The following TKFC variants were observed in gnomAD, a reference collection of about 807,000 sequenced individuals.
TKFC encodes triokinase/FMN cyclase.
Under a neutral mutation model 61.0 loss-of-function variants are expected in TKFC, and 46 were observed. The ratio of observed to expected loss-of-function variants is 0.75; its 90% CI spans 0.60 to 0.96. The LOEUF is 0.96. TKFC is among the 50% of genes least tolerant of loss of function. TKFC has a pLI of 0.00. For missense variants in TKFC, 715 were observed against 777.5 expected, an observed-to-expected ratio of 0.92 and a Z score of 0.96; for synonymous variants, 314 against 330.1, an observed-to-expected ratio of 0.95 and a Z score of 0.53.
At chr11:61,333,927 A>C (rs1262352901) in intron 1 of TKFC, 1 of 152,278 alleles carries the variant, frequency 6.6e-6, no homozygotes, top group African/African-American at 2.4e-5. Context: ...CCCTCCCCAC[A>C]ACCCCAAGTA....
At chr11:61,350,288 T>G, downstream of TKFC, 2 of 1,397,774 alleles carry the variant, frequency 1.4e-6, no homozygotes, top group Non-Finnish European at 2.0e-6. Context: ...GGGCCCAGCA[T>G]TGGAAGAAAG....
At position 61,346,389 on chromosome 11, in the gene TKFC, A is replaced by G; in HGVS notation, c.1614A>G (p.Glu538=). The G allele has an allele frequency of 1.2e-6, 2 of 1,612,724 alleles. No homozygotes were observed. The highest frequency in any genetic ancestry group is 1.7e-6 in the Non-Finnish European group (2 of 1,179,954). The stretch of plus-strand genomic sequence containing the variant: ...CAGCCGAGGCCACCAAGAATATGGA[A>G]GCTGGAGCCGGAAGAGCCAGTTATA... ...EAAAEATKNM[E]AGAGRASYIS... The change falls in exon 18 of 18, where the codon GAA becomes GAG. Residue 538 remains glutamate (E), a synonymous_variant. Transcript: ENST00000394900. The surrounding 1 kb of genome is among the most constrained non-coding windows in gnomAD (Gnocchi z 4.1).
intron 5 of TKFC, among the ~76,000 whole-genome samples, chr11:61,340,884 C>G (rs1856823261): frequency 6.6e-6 from 1 of 152,314 alleles, no homozygotes; most frequent in South Asian, 2.1e-4. Flanking sequence ...GGTTGGCAGC[C>G]AGTCCTAGTG....
At chr11:61,344,299 G>A in intron 13 of TKFC, 26 bp downstream of exon 13, 2 of 1,603,266 alleles carry the variant, frequency 1.2e-6, no homozygotes, top group Non-Finnish European at 1.7e-6. Flanking sequence ...TTTGCCAAGT[G>A]AGGTCATTCA....
chr11:61,353,137 C>T, downstream of TKFC: 2 of 1,602,492 alleles, frequency 1.2e-6, no homozygotes, highest in Non-Finnish European at 1.7e-6. Flanking sequence ...AGCCCAGGAA[C>T]CACTGTGGAC....
At chr11:61,349,596 G>A (rs548393372), downstream of TKFC, 14 of 702,886 alleles carry the variant, frequency 2.0e-5, no homozygotes, top group East Asian at 2.7e-5. Context: ...TGACAGACAC[G>A]TAAGTCACAG....
In TKFC at chr11:61,338,286, G is replaced by T. The variant is rs1856701455; in HGVS notation, c.193+156G>T. ...CCACTCCCTCCGGCTGGGATCAGGG[G>T]CCCATCACGGCCTCTCTGAATCTGT... On this transcript the variant is annotated intron_variant, in intron 3 of 17. Coordinates refer to ENST00000394900, the MANE Select transcript of TKFC (RefSeq NM_015533.4). Among the ~76,000 whole-genome samples, 3 of 152,176 alleles carry T rather than the reference G, an allele frequency of 2.0e-5. No individual in the cohort carries two copies. The South Asian group carries it at 6.2e-4, about 32-fold the overall frequency.
chr11:61,335,627 C>T (rs1340081242), intron 2 of TKFC, among the ~76,000 whole-genome samples: 1 of 152,172 alleles, frequency 6.6e-6, no homozygotes, highest in Non-Finnish European at 1.5e-5. Flanking sequence ...TCCAGCCCCT[C>T]GAGAAAGCAG....
chr11:61,342,927 T>A, intron 10 of TKFC, 83 bp downstream of exon 10: 1 of 1,377,570 alleles, frequency 7.3e-7, no homozygotes, highest in South Asian at 1.2e-5. Flanking sequence ...GAACACGGAC[T>A]GTGCGTCAGA....
At position 61,346,944 on chromosome 11, in the gene TKFC, C is replaced by T; in HGVS notation, c.*441C>T. 2 of 987,580 alleles carry T rather than the reference C, an allele frequency of 2.0e-6. No homozygotes were observed. The highest frequency in any genetic ancestry group is 2.4e-6 in the Non-Finnish European group (2 of 831,356). The allele number at this position is 987,580 out of a possible 1,614,324, so 61.2% of individuals were successfully genotyped here. ...GAAAGACACTGCCTCCTCTGAGGGA[C>T]CTTTTCCCAAGCATGTAAACAAGGG... On this transcript the variant is annotated 3_prime_UTR_variant, in exon 18 of 18. Transcript: ENST00000394900. This position sits in a 1 kb window ranked among gnomAD's most constrained non-coding sequence, Gnocchi z 4.1.
intron 15 of TKFC, 70 bp downstream of exon 15, chr11:61,345,635 C>A: frequency 8.7e-6 from 14 of 1,612,906 alleles, no homozygotes; most frequent in Non-Finnish European, 1.2e-5. Flanking sequence ...CTGCGCCCTG[C>A]CAGGCCCTAG....
chr11:61,351,284 CTT>C (rs909648792), downstream of TKFC: 17,458 of 288,400 alleles, frequency 0.061, no homozygotes, highest in South Asian at 0.091. Flanking sequence ...AACACCCTTT[CTT>C]TTTTTTTTTT....
At position 61,345,747 on chromosome 11, in the gene TKFC, T is replaced by C. The variant is rs1009172763; in HGVS notation, c.1485+2T>C. 4 of 1,614,092 alleles carry C rather than the reference T, an allele frequency of 2.5e-6. No homozygotes were observed. Among genetic ancestry groups the C allele is most frequent in the Non-Finnish European group, 3.4e-6 (4 of 1,180,042 alleles). On this transcript the variant is annotated splice_donor_variant, in intron 16 of 17. Coordinates refer to ENST00000394900, the MANE Select transcript of TKFC (RefSeq NM_015533.4). LOFTEE classifies it high-confidence loss of function. ...GCTGCTCCAGGGGACAGGACTATGG[T>C]ATGTACTCAGGCTGTGGCCTCAGAC...
Position 61,334,611 on chromosome 11 carries a change from C to A in TKFC, c.-109-9C>A. The A allele has an allele frequency of 7.3e-7, 1 of 1,367,392 alleles. No individual in the cohort carries two copies. The highest frequency in any genetic ancestry group is 1.0e-6 in the Non-Finnish European group (1 of 967,868). 84.7% of individuals were successfully genotyped at this position (1,367,392 alleles called of 1,614,324 possible). A position where few individuals can be genotyped will look rare whatever the true frequency, so the allele number is the denominator to read the frequency against. ...CTTCCGCAGCTTGTATCGTTACCCA[C>A]TCCTGCAGGTGCTGCTGCTGCCTCC... On this transcript the variant is annotated splice_polypyrimidine_tract_variant and intron_variant, in intron 1 of 17. Transcript: ENST00000394900.
In TKFC at chr11:61,346,278, C is replaced by G; in HGVS notation, c.1576-73C>G. The G allele has an allele frequency of 6.2e-7, 1 of 1,603,638 alleles. No homozygotes were observed. The highest frequency in any genetic ancestry group is 8.5e-7 in the Non-Finnish European group (1 of 1,179,060). On this transcript the variant is annotated intron_variant, in intron 17 of 17. Coordinates refer to ENST00000394900, the MANE Select transcript of TKFC (RefSeq NM_015533.4). This position sits in a 1 kb window ranked among gnomAD's most constrained non-coding sequence, Gnocchi z 4.1. ...GCAGGGCCAGGCTGCACGGCAGAGA[C>G]GTTCTGCCCATGGCAGGAAGGAGGC...
At chr11:61,342,024 AT>A in intron 7 of TKFC, 112 bp downstream of exon 7, 2 of 1,063,150 alleles carry the variant, frequency 1.9e-6, no homozygotes, top group Non-Finnish European at 2.7e-6. Flanking sequence ...TGGTCTTAGT[AT>A]TTTTACCTGG....
downstream of TKFC, chr11:61,350,369 A>C (rs1857338286): frequency 1.2e-6 from 2 of 1,605,398 alleles, no homozygotes; most frequent in Admixed American, 3.4e-5. Flanking sequence ...CTGCACCACC[A>C]GGAGCTCTTG....
In TKFC at chr11:61,339,315, G is replaced by A. The variant is rs1172452006; in HGVS notation, c.366G>A (p.Arg122=). The A allele has an allele frequency of 1.9e-6, 3 of 1,613,954 alleles. No homozygotes were observed. In the South Asian group the frequency reaches 3.3e-5, roughly 18 times the overall value. Residue 122 remains arginine (R), a synonymous_variant, in exon 5 of 18, where the codon CGG becomes CGA. Transcript: ENST00000394900. ...ATCGGCTCAACTTCGGCCTGGCCCG[G>A]GAGCAGGCCCGGGCTGAAGGCATCC... ...TGDRLNFGLA[R]EQARAEGIPV... is the part of the protein sequence containing the mutation.
intron 2 of TKFC, 21 bp downstream of exon 2, chr11:61,334,752 A>C (rs1590711457): frequency 6.2e-7 from 1 of 1,614,050 alleles, no homozygotes; most frequent in East Asian, 2.2e-5. Flanking sequence ...CAGGGCCGGG[A>C]CGGGAATGGC....
Sources: allele counts gnomAD v4.1 joint callset (sites outside exome capture counted in the v4.1 genomes callset), GRCh38; gene constraint gnomAD v4.1.1; non-coding constraint Gnocchi (gnomAD v3.1); transcripts MANE v1.5; gene names NCBI Gene and HGNC (gene_info 2026-07-23, HGNC 2026-07-21).